The following DOK6 variants were observed in gnomAD, a reference collection of about 807,000 sequenced individuals.
DOK6 encodes docking protein 6, also known as downstream of tyrosine kinase 6.
In DOK6, 22 loss-of-function variants were observed where a neutral mutation model predicts 44.0. The ratio of observed to expected loss-of-function variants is 0.50; its 90% CI spans 0.36 to 0.71. DOK6 has a LOEUF of 0.71. Among genes scored for constraint, DOK6 ranks in the 30% least tolerant of loss-of-function variants. DOK6 has a pLI of 0.00. For missense variants in DOK6, 340 were observed against 416.4 expected, an observed-to-expected ratio of 0.82 and a Z score of 1.60; for synonymous variants, 166 against 145.5, an observed-to-expected ratio of 1.14 and a Z score of -1.01.
intron 2 of DOK6, among the ~76,000 whole-genome samples, chr18:69,573,695 A>G (rs1983171795): frequency 6.6e-6 from 1 of 151,802 alleles, no homozygotes; most frequent in Non-Finnish European, 1.5e-5. Flanking sequence ...ATTTTAGTAA[A>G]TATTACCTAA....
intron 1 of DOK6, among the ~76,000 whole-genome samples, chr18:69,562,982 T>C (rs1472042320): frequency 2.0e-5 from 3 of 152,134 alleles, no homozygotes; most frequent in African/African-American, 7.2e-5. Flanking sequence ...CATCAAAAAG[T>C]GGGCGAAGGA....
Position 69,666,998 on chromosome 18 carries a change from C to CG in DOK6, c.290-10736_290-10735insG, listed in dbSNP as rs201954634. On this transcript the variant is annotated intron_variant, in intron 3 of 7. Transcript: ENST00000382713. ...ACACTGTGCTCCCAGAAGGACCCCC[C>CG]CTCCCCGCCATCCCAACCTCCCTTT... 1.4e-4 allele frequency among the ~76,000 whole-genome samples: 22 copies of CG among 152,276 alleles called. 1 individual carries two copies. In the South Asian group the frequency reaches 3.5e-3, roughly 24 times the overall value.
rs549998669 is a variant in DOK6 at position 69,438,460 on chromosome 18, C to T, written c.66+37150C>T. ...AATTTTAGTTATCTTGCTATTTCTA[C>T]TGTGTCTGTAGTTCCTTCCTCTGCT... On this transcript the variant is annotated intron_variant, in intron 1 of 7. Coordinates refer to ENST00000382713, the MANE Select transcript of DOK6 (RefSeq NM_152721.6). Among the ~76,000 whole-genome samples the T allele has an allele frequency of 3.9e-5, 6 of 152,294 alleles. No homozygotes were observed. In the East Asian group the frequency reaches 1.2e-3, roughly 29 times the overall value.
chr18:69,702,379 T>A (rs1986542608), intron 5 of DOK6, among the ~76,000 whole-genome samples: 1 of 152,164 alleles, frequency 6.6e-6, no homozygotes, highest in African/African-American at 2.4e-5. Flanking sequence ...ATTTCTTGAC[T>A]GAAACATTGA....
intron 3 of DOK6, among the ~76,000 whole-genome samples, chr18:69,649,718 A>G (rs998507601): frequency 2.6e-5 from 4 of 152,206 alleles, no homozygotes; most frequent in Admixed American, 2.0e-4. Flanking sequence ...GAAACATTGC[A>G]TATTTAGAAA....
At chr18:69,413,963 A>C (rs1482906389) in intron 1 of DOK6, among the ~76,000 whole-genome samples, 1 of 151,952 alleles carries the variant, frequency 6.6e-6, no homozygotes, top group Non-Finnish European at 1.5e-5. Context: ...CAAAGTTGAC[A>C]TATATACAAA....
intron 2 of DOK6, among the ~76,000 whole-genome samples, chr18:69,575,342 G>A (rs2144605918): frequency 6.6e-6 from 1 of 152,152 alleles, no homozygotes; most frequent in African/African-American, 2.4e-5. Flanking sequence ...GCAATTAGAA[G>A]TACAGCAGAT....
intron 3 of DOK6, among the ~76,000 whole-genome samples, chr18:69,620,957 C>T (rs1335634421): frequency 2.0e-5 from 3 of 152,114 alleles, no homozygotes; most frequent in African/African-American, 7.2e-5. Flanking sequence ...TAGCCTAGTG[C>T]ATTTTTGAGG....
chr18:69,524,563 G>A (rs535861935), intron 1 of DOK6, among the ~76,000 whole-genome samples: 3 of 151,908 alleles, frequency 2.0e-5, no homozygotes, highest in African/African-American at 7.2e-5. Flanking sequence ...GTTTAGTTTA[G>A]ACAATTACAA....
Position 69,721,414 on chromosome 18 carries a change from G to T in DOK6, c.600-17551G>T, listed in dbSNP as rs1019182245. 5.9e-5 allele frequency: 9 copies of T among 152,232 alleles called. No homozygotes were observed. The Middle Eastern group carries it at 0.014, about 230-fold the overall frequency. The allele number at this position is 152,232 out of a possible 1,614,324, so 9.4% of individuals were successfully genotyped here. A position where few individuals can be genotyped will look rare whatever the true frequency, so the allele number is the denominator to read the frequency against. On this transcript the variant is annotated intron_variant, in intron 5 of 7. Transcript: ENST00000382713. ...AGAGATTCCAAGGCAACTGGCTATA[G>T]ATCTTTAACAAAAAATAAACATCAA...
chr18:69,496,114 C>A (rs569734557), intron 1 of DOK6, among the ~76,000 whole-genome samples: 2 of 152,194 alleles, frequency 1.3e-5, no homozygotes, highest in Non-Finnish European at 2.9e-5. Flanking sequence ...AGATCTACCG[C>A]CGTGACTTGG....
intron 1 of DOK6, among the ~76,000 whole-genome samples, chr18:69,435,080 AAGGAAGGAAG>A: frequency 6.7e-6 from 1 of 149,606 alleles, no homozygotes; most frequent in African/African-American, 2.5e-5. Flanking sequence ...GGAAGGAAGG[AAGGAAGGAAG>A]GAAAGAAGGA....
At chr18:69,746,909 T>C (rs1599302479) in intron 6 of DOK6, among the ~76,000 whole-genome samples, 2 of 152,334 alleles carry the variant, frequency 1.3e-5, no homozygotes. Context: ...GGTGTAATTC[T>C]CATCTTATCT....
At chr18:69,812,175 C>T (rs1175386096) in intron 7 of DOK6, among the ~76,000 whole-genome samples, 1 of 151,988 alleles carries the variant, frequency 6.6e-6, no homozygotes, top group South Asian at 2.1e-4. Context: ...GGAATCTTAG[C>T]GTTGTCAGAG....
At position 69,408,161 on chromosome 18, in the gene DOK6, A is replaced by G. The variant is rs112431341; in HGVS notation, c.66+6851A>G. 8.5e-3 allele frequency among the ~76,000 whole-genome samples: 1,291 copies of G among 152,328 alleles called. 18 individuals carry two copies. The highest frequency in any genetic ancestry group is 0.029 in the African/African-American group (1,211 of 41,570). ...TCAAGTTCAGTGTAATAGCTGTTAT[A>G]GAACAGCCACCACTTTGGAGTATAT... On this transcript the variant is annotated intron_variant, in intron 1 of 7. Coordinates refer to ENST00000382713, the MANE Select transcript of DOK6 (RefSeq NM_152721.6).
At chr18:69,547,995 C>G (rs996269192) in intron 1 of DOK6, among the ~76,000 whole-genome samples, 1 of 148,518 alleles carries the variant, frequency 6.7e-6, no homozygotes, top group Non-Finnish European at 1.5e-5. Context: ...TCGCTGTCAC[C>G]CAGGCTGGAG....
intron 2 of DOK6, among the ~76,000 whole-genome samples, chr18:69,580,544 A>ATTTTCAAT (rs1983343864): frequency 6.6e-6 from 1 of 152,016 alleles, no homozygotes; most frequent in African/African-American, 2.4e-5. Context: ...TATTATTATT[A>ATTTTCAAT]TTTTCAATTG....
chr18:69,656,630 G>C (rs1985374752), intron 3 of DOK6, among the ~76,000 whole-genome samples: 2 of 152,114 alleles, frequency 1.3e-5, no homozygotes, highest in Non-Finnish European at 2.9e-5. Flanking sequence ...AAAATGCTAA[G>C]ATAACTATTT....
chr18:69,622,819 A>T lies in DOK6; in HGVS notation c.289+23321A>T, dbSNP rs541720557. On this transcript the variant is annotated intron_variant, in intron 3 of 7. Coordinates refer to ENST00000382713, the MANE Select transcript of DOK6 (RefSeq NM_152721.6). ...AAAACAATTATTGATCCTCTTGAAA[A>T]TTTCAGAAAGATAAGGATTTATAGG... 3.3e-5 allele frequency among the ~76,000 whole-genome samples: 5 copies of T among 152,356 alleles called. No homozygotes were observed. The South Asian group carries it at 1.0e-3, about 32-fold the overall frequency.
Sources: gnomAD v4.1 joint callset for allele counts (sites outside exome capture counted in the v4.1 genomes callset) on GRCh38, gnomAD v4.1.1 for gene constraint, MANE v1.5 for transcripts, NCBI Gene and HGNC (gene_info 2026-07-23, HGNC 2026-07-21) for gene names.